The following USP31 variants were observed in gnomAD, a reference collection of about 807,000 sequenced individuals.
USP31 encodes the protein ubiquitin specific peptidase 31, also known as ubiquitin carboxyl-terminal hydrolase 31.
A neutral mutation model predicts 119.4 loss-of-function variants in USP31; 44 were observed. That is an observed-to-expected ratio of 0.37 (90% CI 0.29 to 0.47). The LOEUF (loss-of-function observed/expected upper bound fraction) is 0.47, where lower values mean the gene tolerates loss of function less well. Ranked by LOEUF, USP31 falls within the 20% of genes least tolerant of loss-of-function variation. The pLI, the probability that USP31 is intolerant of heterozygous loss-of-function variation, is 0.99. For missense variants in USP31, 1,643 were observed against 1,730.2 expected (o/e 0.95, Z 0.89); for synonymous variants, 749 against 705.6 (o/e 1.06, Z -0.97).
intron 1 of USP31, among the ~76,000 whole-genome samples, chr16:23,144,407 C>T (rs553864632): frequency 2.6e-5 from 4 of 151,964 alleles, no homozygotes; most frequent in Non-Finnish European, 4.4e-5. Context: ...AATGAAATAA[C>T]GATGTCCACC....
Position 23,062,751 on chromosome 16 carries a change from A to C in USP31, c.*5295T>G, listed in dbSNP as rs1899897261. On this transcript the variant is annotated 3_prime_UTR_variant, in exon 16 of 16. Coordinates refer to ENST00000219689, the MANE Select transcript of USP31 (RefSeq NM_020718.4). ...CCACCAGACTGGCGAGTGCTAGGCC[A>C]TTCACAACATGGTCCAAGCTCCCCA... The C allele has an allele frequency of 6.6e-6, 1 of 152,618 alleles. No homozygotes were observed. Among genetic ancestry groups the C allele is most frequent in the Non-Finnish European group, 1.5e-5 (1 of 68,056 alleles). The allele number at this position is 152,618 out of a possible 1,614,324, so 9.5% of individuals were successfully genotyped here. A position where few individuals can be genotyped will look rare whatever the true frequency, so the allele number is the denominator to read the frequency against.
rs750897495 is a variant in USP31 at position 23,108,043 on chromosome 16, T to C, written c.771+3A>G. 2.5e-6 allele frequency: 4 copies of C among 1,612,132 alleles called. No homozygotes were observed. In the South Asian group the frequency reaches 3.3e-5, roughly 13 times the overall value. ...ACTGCCCTAGGGCAGCATGCGTCCT[T>C]ACCTTCAGAGGAGGCTGGCCACTCT... On this transcript the variant is annotated splice_donor_region_variant and intron_variant, in intron 2 of 15. Transcript: ENST00000219689.
chr16:23,082,941 C>T (rs1900902865), intron 11 of USP31, among the ~76,000 whole-genome samples: 1 of 150,144 alleles, frequency 6.7e-6, no homozygotes, highest in Non-Finnish European at 1.5e-5. Flanking sequence ...AGTGATTCTC[C>T]CACCTCAGCC....
At chr16:23,130,446 AT>A (rs1902995116) in intron 1 of USP31, among the ~76,000 whole-genome samples, 1 of 151,898 alleles carries the variant, frequency 6.6e-6, no homozygotes, top group African/African-American at 2.4e-5. Context: ...ATATAATAAA[AT>A]TTTAAAAAAG....
intron 6 of USP31, among the ~76,000 whole-genome samples, chr16:23,098,360 G>T (rs141064099): frequency 0.17 from 25,400 of 152,092 alleles, 2,627 homozygotes; most frequent in Admixed American, 0.26. Flanking sequence ...CATGCTCATG[G>T]ATAGGAAGAA....
rs540004423 is a variant in USP31, at chr16:23,063,054, G to T, written c.*4992C>A. 21 of 152,392 alleles carry T rather than the reference G, an allele frequency of 1.4e-4. No homozygotes were observed. The highest frequency in any genetic ancestry group is 4.8e-4 in the African/African-American group (20 of 41,560). The allele number at this position is 152,392 out of a possible 1,614,324, so 9.4% of individuals were successfully genotyped here. On this transcript the variant is annotated 3_prime_UTR_variant, in exon 16 of 16. Coordinates refer to ENST00000219689, the MANE Select transcript of USP31 (RefSeq NM_020718.4). The stretch of plus-strand genomic sequence containing the variant: ...CACCCCTACATGAATTAGATCAAAA[G>T]CTAGGGACTGGGACCCAGGCACTGT...
chr16:23,075,043 G>A (rs1900505707), intron 13 of USP31, among the ~76,000 whole-genome samples: 1 of 152,188 alleles, frequency 6.6e-6, no homozygotes, highest in African/African-American at 2.4e-5. Flanking sequence ...CGCAAGTATG[G>A]AGACTTAAGG....
chr16:23,141,539 G>A (rs1020411007), intron 1 of USP31, among the ~76,000 whole-genome samples: 4 of 151,988 alleles, frequency 2.6e-5, no homozygotes, highest in African/African-American at 4.8e-5. Context: ...CACCACGCCC[G>A]GCTAATTTTT....
At chr16:23,134,020 T>A (rs368040897) in intron 1 of USP31, among the ~76,000 whole-genome samples, 2 of 151,794 alleles carry the variant, frequency 1.3e-5, no homozygotes, top group East Asian at 3.9e-4. Flanking sequence ...AAGGCTGCAG[T>A]GAGCCAATAT....
At chr16:23,146,674 G>A (rs1903516552) in intron 1 of USP31, among the ~76,000 whole-genome samples, 1 of 152,136 alleles carries the variant, frequency 6.6e-6, no homozygotes, top group African/African-American at 2.4e-5. Flanking sequence ...AGCAGCATAA[G>A]ATGTAAGTAA....
chr16:23,126,491 G>C (rs1419135451), intron 1 of USP31, among the ~76,000 whole-genome samples: 1 of 151,394 alleles, frequency 6.6e-6, no homozygotes, highest in Non-Finnish European at 1.5e-5. Context: ...GCTGGGCATG[G>C]TGGCGGGCGC....
chr16:23,094,884 C>T (rs1901533609), intron 6 of USP31, among the ~76,000 whole-genome samples: 1 of 152,158 alleles, frequency 6.6e-6, no homozygotes. Context: ...GTAGATAAAA[C>T]CACAAAGATG....
intron 1 of USP31, among the ~76,000 whole-genome samples, chr16:23,112,637 T>C (rs911759250): frequency 7.2e-5 from 11 of 152,218 alleles, no homozygotes; most frequent in African/African-American, 1.9e-4. Flanking sequence ...GTTTGGCTTA[T>C]GGCCTTATGT....
At chr16:23,148,148 G>C (rs139795250) in intron 1 of USP31, among the ~76,000 whole-genome samples, 4 of 152,284 alleles carry the variant, frequency 2.6e-5, no homozygotes, top group African/African-American at 9.6e-5. Flanking sequence ...GGTTAAATAT[G>C]GGTAATTCCA....
At chr16:23,137,934 C>T (rs1445989619) in intron 1 of USP31, among the ~76,000 whole-genome samples, 1 of 152,074 alleles carries the variant, frequency 6.6e-6, no homozygotes, top group Non-Finnish European at 1.5e-5. Context: ...AAATGTTTTA[C>T]AAGTTGCATT....
rs777351027 is a variant in USP31, at chr16:23,069,223, C to A, written c.2882G>T (p.Ser961Ile). Residue 961 changes from serine to isoleucine, a missense_variant, in exon 16 of 16, where the codon AGT (serine) becomes ATT (isoleucine). By Grantham distance (142) the Ser-to-Ile change is moderately radical. Coordinates refer to ENST00000219689, the MANE Select transcript of USP31 (RefSeq NM_020718.4). ...ATGTTTGCTCTGTGTATCTACGACA[C>A]TGGAGTTCAATCTGCGGGTGTCCGA... ...DESDTRRLNS[S>I]VVDTQSKHSA... 1.2e-5 allele frequency: 19 copies of A among 1,614,112 alleles called. No individual in the cohort carries two copies. The East Asian group carries it at 4.0e-4, about 34-fold the overall frequency.
At chr16:23,113,065 G>A (rs1902375518) in intron 1 of USP31, among the ~76,000 whole-genome samples, 1 of 152,000 alleles carries the variant, frequency 6.6e-6, no homozygotes. Flanking sequence ...AACATCATTA[G>A]CACTAATGAA....
In USP31 at chr16:23,069,311, G is replaced by C. The variant is rs749490337; in HGVS notation, c.2794C>G (p.Arg932Gly). ...YQEPSDSHSR[R>G]EHKAVGRAPL... is the part of the protein sequence containing the mutation. The stretch of plus-strand genomic sequence containing the variant: ...GCCCGGCCCACAGCCTTGTGCTCAC[G>C]GCGACTATGACTGTCGCTTGGTTCC... The change falls in exon 16 of 16, where the codon CGT becomes GGT. Residue 932 changes from arginine to glycine, a missense_variant. Physicochemically the swap from Arg to Gly is moderately radical, Grantham distance 125. Transcript: ENST00000219689. 4.4e-6 allele frequency: 7 copies of C among 1,606,752 alleles called. No individual in the cohort carries two copies. The East Asian group carries it at 1.6e-4, about 36-fold the overall frequency.
chr16:23,136,166 G>A (rs1426306902), intron 1 of USP31, among the ~76,000 whole-genome samples: 1 of 152,122 alleles, frequency 6.6e-6, no homozygotes, highest in Non-Finnish European at 1.5e-5. Flanking sequence ...AAAGAATAAA[G>A]TTGGACCCTT....
Sources: allele counts gnomAD v4.1 joint callset (sites outside exome capture counted in the v4.1 genomes callset), GRCh38; gene constraint gnomAD v4.1.1; transcripts MANE v1.5; gene names NCBI Gene and HGNC (gene_info 2026-07-23, HGNC 2026-07-21).